The following MGMT variants were observed in gnomAD, a reference collection of about 807,000 sequenced individuals.
MGMT encodes the protein methylated-DNA--protein-cysteine methyltransferase.
In MGMT, 14 loss-of-function variants were observed where a neutral mutation model predicts 15.9. The ratio of observed to expected loss-of-function variants is 0.88; its 90% CI spans 0.58 to 1.37. The LOEUF is 1.37. MGMT is among the 40% of genes most tolerant of loss of function. The pLI is 0.00. For missense variants in MGMT, 282 were observed against 268.1 expected, an observed-to-expected ratio of 1.05 and a Z score of -0.36; for synonymous variants, 130 against 118.2, an observed-to-expected ratio of 1.10 and a Z score of -0.65.
chr10:129,668,581 A>G (rs1156391873), intron 2 of MGMT, among the ~76,000 whole-genome samples: 2 of 152,180 alleles, frequency 1.3e-5, no homozygotes, highest in Admixed American at 1.3e-4. Context: ...TCAGTTGTCT[A>G]TTCCATTTTA....
At chr10:129,606,641 C>G (rs193167809) in intron 2 of MGMT, among the ~76,000 whole-genome samples, 5 of 152,310 alleles carry the variant, frequency 3.3e-5, no homozygotes, top group East Asian at 3.9e-4. Flanking sequence ...TTTTGATGCT[C>G]AGATCAATAT....
chr10:129,635,934 A>G (rs1001706938), intron 2 of MGMT, among the ~76,000 whole-genome samples: 6 of 152,222 alleles, frequency 3.9e-5, no homozygotes, highest in Non-Finnish European at 7.3e-5. Flanking sequence ...ATATATCAAG[A>G]GTGGATGTGT....
At chr10:129,688,748 C>A (rs967179094) in intron 2 of MGMT, among the ~76,000 whole-genome samples, 1 of 152,212 alleles carries the variant, frequency 6.6e-6, no homozygotes, top group South Asian at 2.1e-4. Context: ...CCAAAATTGA[C>A]AAATGGTATC....
At chr10:129,525,233 A>G (rs1167634276) in intron 1 of MGMT, among the ~76,000 whole-genome samples, 1 of 152,188 alleles carries the variant, frequency 6.6e-6, no homozygotes, top group Non-Finnish European at 1.5e-5. Context: ...ATCTTCCTGC[A>G]TTACTCATAT....
intron 3 of MGMT, among the ~76,000 whole-genome samples, chr10:129,710,662 A>G (rs892547528): frequency 2.0e-5 from 3 of 152,178 alleles, no homozygotes; most frequent in African/African-American, 7.2e-5. Context: ...TCTGTCTGGC[A>G]TGAGTTTGGT....
At chr10:129,565,248 T>A (rs1409762363) in intron 2 of MGMT, among the ~76,000 whole-genome samples, 1 of 151,372 alleles carries the variant, frequency 6.6e-6, no homozygotes, top group Non-Finnish European at 1.5e-5. Flanking sequence ...ATGTGGAGTT[T>A]AAAGAATTAT....
At chr10:129,503,107 AT>A (rs762740639) in intron 1 of MGMT, among the ~76,000 whole-genome samples, 2 of 148,846 alleles carry the variant, frequency 1.3e-5, no homozygotes, top group African/African-American at 2.5e-5. Context: ...CACTGCTTGG[AT>A]TTTTTTTTTT....
At chr10:129,515,692 A>G (rs2119708963) in intron 1 of MGMT, among the ~76,000 whole-genome samples, 1 of 152,304 alleles carries the variant, frequency 6.6e-6, no homozygotes, top group South Asian at 2.1e-4. Context: ...TGACGTCTTG[A>G]GGCATCCTGT....
At chr10:129,512,233 C>T (rs532474257) in intron 1 of MGMT, among the ~76,000 whole-genome samples, 2 of 152,262 alleles carry the variant, frequency 1.3e-5, no homozygotes, top group South Asian at 2.1e-4. Flanking sequence ...CACCTGTTTG[C>T]GGACTGCCTG....
In MGMT at chr10:129,601,882, A is replaced by G. The variant is rs72838517; in HGVS notation, c.125+65505A>G. On this transcript the variant is annotated intron_variant, in intron 2 of 4. Transcript: ENST00000651593. ...GGTGTTCCAGTGGCCACTGCAATAC[A>G]AATAGAGTGAGTTTTGTCGCCGTGG... Among the ~76,000 whole-genome samples, 877 of 152,274 alleles carry G rather than the reference A, an allele frequency of 5.8e-3. 5 individuals carry two copies. The highest frequency in any genetic ancestry group is 8.7e-3 in the Non-Finnish European group (591 of 68,016).
intron 2 of MGMT, among the ~76,000 whole-genome samples, chr10:129,678,412 T>C (rs567719720): frequency 6.6e-6 from 1 of 152,160 alleles, no homozygotes; most frequent in East Asian, 1.9e-4. Context: ...TGGTGCAGAT[T>C]GGAGGGCTGC....
chr10:129,586,193 A>G (rs1181625067), intron 2 of MGMT, among the ~76,000 whole-genome samples: 1 of 152,190 alleles, frequency 6.6e-6, no homozygotes, highest in East Asian at 1.9e-4. Flanking sequence ...AATTGAAACC[A>G]TGGAAAGTAA....
At chr10:129,647,974 A>G (rs1446729875) in intron 2 of MGMT, among the ~76,000 whole-genome samples, 1 of 152,216 alleles carries the variant, frequency 6.6e-6, no homozygotes, top group African/African-American at 2.4e-5. Flanking sequence ...TTCATTCCAT[A>G]AATATAGCCA....
At chr10:129,602,217 T>A (rs1030382230) in intron 2 of MGMT, among the ~76,000 whole-genome samples, 23 of 152,184 alleles carry the variant, frequency 1.5e-4, no homozygotes, top group Admixed American at 1.4e-3. Context: ...GCTTTTTTTT[T>A]AAAGTACAAA....
intron 3 of MGMT, among the ~76,000 whole-genome samples, chr10:129,755,035 T>A (rs1848789457): frequency 6.6e-6 from 1 of 152,216 alleles, no homozygotes; most frequent in Non-Finnish European, 1.5e-5. Flanking sequence ...GGAAGCCCAT[T>A]CATCTTTTCC....
chr10:129,655,855 A>G (rs1437997189), intron 2 of MGMT, among the ~76,000 whole-genome samples: 1 of 152,172 alleles, frequency 6.6e-6, no homozygotes, highest in Non-Finnish European at 1.5e-5. Context: ...TTCTGGAGGA[A>G]ACGCACAGTG....
intron 2 of MGMT, among the ~76,000 whole-genome samples, chr10:129,568,860 C>T (rs930760493): frequency 7.2e-5 from 11 of 152,190 alleles, no homozygotes; most frequent in African/African-American, 2.4e-4. Context: ...CAGCTCTGGC[C>T]AGTCCTCTCC....
In MGMT at chr10:129,586,505, G is replaced by A. The variant is rs192659924; in HGVS notation, c.125+50128G>A. Among the ~76,000 whole-genome samples the A allele has an allele frequency of 1.7e-3, 263 of 152,194 alleles. 1 individual carries two copies. Among genetic ancestry groups the A allele is most frequent in the Middle Eastern group, 3.4e-3 (1 of 294 alleles). ...TGGAATTATAACGTATAGTCTCTTC[G>A]TGTCTGAGTTCTTCCAGTGTATTGA... is the stretch of plus-strand genomic sequence containing the variant. On this transcript the variant is annotated intron_variant, in intron 2 of 4. Coordinates refer to ENST00000651593, the MANE Select transcript of MGMT (RefSeq NM_002412.5).
rs987714577 is a variant in MGMT, at chr10:129,532,888, G to A, written c.-12-3353G>A. Among the ~76,000 whole-genome samples the A allele has an allele frequency of 2.2e-4, 34 of 152,206 alleles. No homozygotes were observed. The highest frequency in any genetic ancestry group is 4.7e-4 in the Non-Finnish European group (32 of 68,038). On this transcript the variant is annotated intron_variant, in intron 1 of 4. Coordinates refer to ENST00000651593, the MANE Select transcript of MGMT (RefSeq NM_002412.5). This position sits in a 1 kb window ranked among gnomAD's most constrained non-coding sequence, Gnocchi z 5.3. ...CCCCACATGGGGCACTCCCCAGTCC[G>A]AATGTCTGCAGTGCAGCTTCAGGCG...
Sources: allele counts gnomAD v4.1 joint callset (sites outside exome capture counted in the v4.1 genomes callset), GRCh38; gene constraint gnomAD v4.1.1; non-coding constraint Gnocchi (gnomAD v3.1); transcripts MANE v1.5; gene names NCBI Gene and HGNC (gene_info 2026-07-23, HGNC 2026-07-21).